Variants in ZNF398 observed in about 807,000 individuals in gnomAD.
ZNF398 encodes zinc finger protein 398.
A neutral mutation model predicts 41.9 loss-of-function variants in ZNF398; 18 were observed. The observed-to-expected ratio is 0.43, with a 90% confidence interval of 0.30 to 0.64. ZNF398 has a LOEUF of 0.64. ZNF398 is among the 30% of genes least tolerant of loss of function. The pLI is 0.14. For missense variants in ZNF398, 669 were observed against 822.8 expected (o/e 0.81, Z 2.29); for synonymous variants, 260 against 308.8 (o/e 0.84, Z 1.66).
chr7:149,158,518 G>T (rs1487007087), intron 2 of ZNF398, among the ~76,000 whole-genome samples: 1 of 152,168 alleles, frequency 6.6e-6, no homozygotes, highest in Non-Finnish European at 1.5e-5. Flanking sequence ...AGCTCCTCCA[G>T]AAGTTCCTTG....
chr7:149,128,156 C>G (rs1428153460), intron 1 of ZNF398, among the ~76,000 whole-genome samples: 1 of 152,072 alleles, frequency 6.6e-6, no homozygotes, highest in East Asian at 1.9e-4. Flanking sequence ...GAACATGTAT[C>G]CAAGGTGGTT....
intron 4 of ZNF398, among the ~76,000 whole-genome samples, chr7:149,167,665 T>C (rs10952801): frequency 0.54 from 77,531 of 144,652 alleles, 24,309 homozygotes; most frequent in East Asian, 0.9. Context: ...GACGGAGTCT[T>C]GCTCATGCGA....
At chr7:149,162,716 T>G (rs1795136526) in intron 2 of ZNF398, among the ~76,000 whole-genome samples, 1 of 152,002 alleles carries the variant, frequency 6.6e-6, no homozygotes, top group Admixed American at 6.6e-5. Flanking sequence ...AACAAATGAG[T>G]AGAGGAACTT....
At chr7:149,148,907 A>G (rs1490809458) in intron 1 of ZNF398, among the ~76,000 whole-genome samples, 1 of 93,834 alleles carries the variant, frequency 1.1e-5, no homozygotes, top group African/African-American at 4.3e-5. Context: ...ATCAGCTATC[A>G]TGATCAGTAT....
intron 2 of ZNF398, among the ~76,000 whole-genome samples, chr7:149,155,727 T>TTATTTA (rs1563159593): frequency 1.0e-3 from 66 of 62,958 alleles, no homozygotes; most frequent in African/African-American, 2.8e-3. Context: ...TTTTTTTTTT[T>TTATTTA]TTAATTTTTT....
intron 2 of ZNF398, among the ~76,000 whole-genome samples, chr7:149,162,015 T>C (rs1270609686): frequency 1.3e-5 from 2 of 152,110 alleles, no homozygotes; most frequent in African/African-American, 4.8e-5. Flanking sequence ...GAATTAGAGA[T>C]TTATTTTTAT....
chr7:149,176,107 C>T (rs907581427), intron 4 of ZNF398, among the ~76,000 whole-genome samples: 4 of 152,070 alleles, frequency 2.6e-5, no homozygotes, highest in South Asian at 2.1e-4. Context: ...CCAAGGTGGG[C>T]GGATCATGAG....
intron 2 of ZNF398, among the ~76,000 whole-genome samples, chr7:149,155,870 G>T (rs1225794862): frequency 6.6e-6 from 1 of 151,434 alleles, no homozygotes; most frequent in Non-Finnish European, 1.5e-5. Context: ...GGGACTACAG[G>T]CGTCCGTCAC....
chr7:149,176,337 C>G lies in ZNF398; in HGVS notation c.662-131C>G, dbSNP rs548004210. Reference sequence around the variant, plus strand: ...CCAGCCTGGGTGACAGAGCGAGACTCTGTCTCAAAAAAAGAAAAAAAGAAA... The same window carrying G: ...CCAGCCTGGGTGACAGAGCGAGACTGTGTCTCAAAAAAAGAAAAAAAGAAA... On this transcript the variant is annotated intron_variant, in intron 4 of 5. Coordinates refer to ENST00000475153, the MANE Select transcript of ZNF398 (RefSeq NM_170686.3). 2.1e-3 allele frequency: 1,358 copies of G among 639,594 alleles called. 25 individuals are homozygous for G. Among genetic ancestry groups the G allele is most frequent in the South Asian group, 0.017 (991 of 60,018 alleles). The allele number at this position is 639,594 out of a possible 1,614,324, so 39.6% of individuals were successfully genotyped here.
rs144944936 is a variant in ZNF398 at position 149,176,469 on chromosome 7, G to T, written c.663G>T (p.Glu221Asp). The T allele has an allele frequency of 6.2e-7, 1 of 1,612,128 alleles. No homozygotes were observed. The highest frequency in any genetic ancestry group is 1.1e-5 in the South Asian group (1 of 91,044). Residue 221 changes from glutamate (E) to aspartate (D), a missense_variant and splice_region_variant, in exon 5 of 6, where the codon GAG becomes GAT. Glu to Asp is a conservative substitution (Grantham distance 45, BLOSUM62 2). Around this residue, in one of 3 missense-constraint regions of ZNF398, gnomAD observed 290 missense variants for 292.9 expected, o/e 0.99. Transcript: ENST00000475153. The stretch of plus-strand genomic sequence containing the variant: ...TTTTTTTTTCCTCCCACAAATTAGA[G>T]CCTGGTATTTCAACATCAGATATTC... ...ESEIPTDPSE[E>D]PGISTSDILS...
chr7:149,131,594 G>A (rs931540034), intron 2 of ZNF398, among the ~76,000 whole-genome samples: 1 of 152,144 alleles, frequency 6.6e-6, no homozygotes, highest in Admixed American at 6.6e-5. Context: ...GCTGAGGCAG[G>A]AGAATTGCTT....
chr7:149,170,602 G>A (rs1253120781), intron 4 of ZNF398, among the ~76,000 whole-genome samples: 2 of 152,044 alleles, frequency 1.3e-5, no homozygotes, highest in Admixed American at 6.6e-5. Flanking sequence ...AGCCATGGTG[G>A]TGGGCGCCTG....
intron 5 of ZNF398, 39 bp from the exon 6 acceptor site, chr7:149,178,609 A>G: frequency 6.5e-7 from 1 of 1,546,370 alleles, no homozygotes; most frequent in Non-Finnish European, 8.8e-7. Context: ...CTAGTGAGAC[A>G]GTTATTGATG....
At chr7:149,146,861 A>G (rs899792631), upstream of ZNF398, among the ~76,000 whole-genome samples, 8 of 152,094 alleles carry the variant, frequency 5.3e-5, no homozygotes, top group Non-Finnish European at 1.2e-4. Context: ...TAAATAAATA[A>G]ACAAAAATTA....
chr7:149,142,484 G>A (rs1459546378), upstream of ZNF398, among the ~76,000 whole-genome samples: 2 of 152,084 alleles, frequency 1.3e-5, no homozygotes, highest in African/African-American at 2.4e-5. Context: ...TGGCTAACAC[G>A]GTGAAACCCC....
At chr7:149,133,656 T>A (rs1350941326) in intron 2 of ZNF398, among the ~76,000 whole-genome samples, 1 of 23,484 alleles carries the variant, frequency 4.3e-5, no homozygotes, top group Non-Finnish European at 6.9e-5. Context: ...GTTTTTTAAA[T>A]ATATATATAT....
intron 2 of ZNF398, among the ~76,000 whole-genome samples, chr7:149,159,085 T>C (rs1795045179): frequency 6.7e-6 from 1 of 150,298 alleles, no homozygotes; most frequent in Non-Finnish European, 1.5e-5. Context: ...GTCAAACGAT[T>C]CTCCTGCCTC....
intron 2 of ZNF398, among the ~76,000 whole-genome samples, chr7:149,141,720 C>T (rs925197607): frequency 7.2e-5 from 11 of 151,966 alleles, no homozygotes; most frequent in African/African-American, 2.7e-4. Context: ...TCCCAAAGTG[C>T]TGGGATTACA....
rs1303081344 is a variant in ZNF398 at position 149,180,228 on chromosome 7, A to G, written c.*427A>G. 2 of 157,830 alleles carry G rather than the reference A, an allele frequency of 1.3e-5. No individual in the cohort carries two copies. Among genetic ancestry groups the G allele is most frequent in the Non-Finnish European group, 2.8e-5 (2 of 71,544 alleles). 9.8% of individuals were successfully genotyped at this position (157,830 alleles called of 1,614,324 possible). A position where few individuals can be genotyped will look rare whatever the true frequency, so the allele number is the denominator to read the frequency against. On this transcript the variant is annotated 3_prime_UTR_variant, in exon 6 of 6. Transcript: ENST00000475153. Reference sequence around the variant, plus strand: ...TCATAAGGCATGAGAATGTTTAACTATAAAGCCTTTTATTAGTTCTTTGAT... The same window carrying G: ...TCATAAGGCATGAGAATGTTTAACTGTAAAGCCTTTTATTAGTTCTTTGAT...
Sources: allele counts gnomAD v4.1 joint callset (sites outside exome capture counted in the v4.1 genomes callset), GRCh38; gene constraint gnomAD v4.1.1; regional missense constraint gnomAD v4.1.1; transcripts MANE v1.5; gene names NCBI Gene and HGNC (gene_info 2026-07-23, HGNC 2026-07-21).